The following TVP23B variants were observed in gnomAD, a reference collection of about 807,000 sequenced individuals.
The protein encoded by TVP23B is trans-golgi network vesicle protein 23 homolog B.
In TVP23B, 10 loss-of-function variants were observed where a neutral mutation model predicts 30.6. That is an observed-to-expected ratio of 0.33 (90% CI 0.20 to 0.55). The LOEUF is 0.55. Among genes scored for constraint, TVP23B ranks in the 20% least tolerant of loss-of-function variants. TVP23B has a pLI of 0.91. For synonymous variants in TVP23B, 67 were observed against 83.1 expected, an observed-to-expected ratio of 0.81 and a Z score of 1.06; for missense variants, 153 against 243.2, an observed-to-expected ratio of 0.63 and a Z score of 2.47.
At chr17:18,790,697 C>G (rs1293630746) in intron 2 of TVP23B, among the ~76,000 whole-genome samples, 199 bp from the exon 3 acceptor site, 4 of 152,138 alleles carry the variant, frequency 2.6e-5, no homozygotes, top group African/African-American at 9.7e-5. Context: ...AGTGTATTTT[C>G]TGTAACTACA....
At chr17:18,799,829 T>A (rs1021228827) in intron 5 of TVP23B, among the ~76,000 whole-genome samples, 7 of 152,126 alleles carry the variant, frequency 4.6e-5, no homozygotes, top group African/African-American at 1.7e-4. Flanking sequence ...TTTTTCCTCC[T>A]AATTTGTAGT....
chr17:18,790,783 T>C, intron 2 of TVP23B, 113 bp from the exon 3 acceptor site: 2 of 1,492,518 alleles, frequency 1.3e-6, no homozygotes, highest in South Asian at 2.5e-5. Flanking sequence ...TCACCTCTTT[T>C]ATTTTGACAA....
intron 3 of TVP23B, among the ~76,000 whole-genome samples, chr17:18,792,357 C>T (rs1035830523): frequency 6.6e-6 from 1 of 152,084 alleles, no homozygotes; most frequent in Non-Finnish European, 1.5e-5. Context: ...CTTAAAGATA[C>T]CTGAAGTGGT....
chr17:18,792,091 T>A (rs2036004839), intron 3 of TVP23B, among the ~76,000 whole-genome samples: 5 of 151,812 alleles, frequency 3.3e-5, no homozygotes. Flanking sequence ...TGGAGTGCAA[T>A]GGCATGATCT....
At chr17:18,801,933 GGTTAAGACC>G (rs2036172825) in intron 5 of TVP23B, among the ~76,000 whole-genome samples, 1 of 152,098 alleles carries the variant, frequency 6.6e-6, no homozygotes. Flanking sequence ...AGCATAAATG[GGTTAAGACC>G]TCGGCATGGT....
At chr17:18,792,284 C>T (rs1363533001) in intron 3 of TVP23B, among the ~76,000 whole-genome samples, 2 of 152,200 alleles carry the variant, frequency 1.3e-5, no homozygotes, top group Non-Finnish European at 2.9e-5. Flanking sequence ...GATCTGCCCA[C>T]CTCAGCCTCC....
At position 18,783,100 on chromosome 17, in the gene TVP23B, G is replaced by C. The variant is rs200347058; in HGVS notation, c.12+1795G>C. On this transcript the variant is annotated intron_variant, in intron 1 of 6. Coordinates refer to ENST00000307767, the MANE Select transcript of TVP23B (RefSeq NM_016078.6). ...CTATTTATTTATTTATTGATTGATT[G>C]ATTGATTCATTCATTCATTTATGAG... Among the ~76,000 whole-genome samples the C allele has an allele frequency of 4.2e-3, 326 of 77,398 alleles. 6 individuals carry two copies. Among genetic ancestry groups the C allele is most frequent in the Admixed American group, 5.8e-3 (43 of 7,442 alleles). The allele number at this position is 77,398 out of a possible 152,430, so 50.8% of individuals were successfully genotyped here.
intron 1 of TVP23B, 176 bp from the exon 2 acceptor site, chr17:18,789,177 T>C (rs1277647449): frequency 2.0e-6 from 2 of 979,334 alleles, no homozygotes; most frequent in African/African-American, 3.3e-5. Flanking sequence ...TTTTGCCAGA[T>C]GATTTGAGGA....
At chr17:18,800,981 C>G (rs2036156790) in intron 5 of TVP23B, among the ~76,000 whole-genome samples, 1 of 152,194 alleles carries the variant, frequency 6.6e-6, no homozygotes, top group Non-Finnish European at 1.5e-5. Context: ...AACAAGTTGA[C>G]TGCTCCAGTA....
intron 5 of TVP23B, among the ~76,000 whole-genome samples, chr17:18,802,566 T>C (rs1014278006): frequency 6.6e-6 from 1 of 151,756 alleles, no homozygotes; most frequent in African/African-American, 2.4e-5. Context: ...CTTTGCAGAG[T>C]TTGGAGCTAT....
At chr17:18,788,497 A>G (rs1157806612) in intron 1 of TVP23B, among the ~76,000 whole-genome samples, 1 of 151,802 alleles carries the variant, frequency 6.6e-6, no homozygotes, top group Non-Finnish European at 1.5e-5. Flanking sequence ...AAGATTCAAT[A>G]GAGGCCGGGC....
chr17:18,796,221 T>C (rs2036073899), intron 3 of TVP23B: 1 of 152,128 alleles, frequency 6.6e-6, no homozygotes, highest in Non-Finnish European at 1.5e-5. Context: ...AATGATATGC[T>C]AACTACTTTC....
Position 18,789,389 on chromosome 17 carries a change from G to A in TVP23B, c.49G>A (p.Asp17Asn), listed in dbSNP as rs1360595487. The A allele has an allele frequency of 6.2e-7, 1 of 1,613,976 alleles. No individual in the cohort carries two copies. Among genetic ancestry groups the A allele is most frequent in the Non-Finnish European group, 8.5e-7 (1 of 1,179,870 alleles). ...TGACACTGAAGATGTTTCACTGTTT[G>A]ATGCGGAAGAGGAGACGACTAATAG... The part of the protein sequence containing the change: ...NDDTEDVSLF[D>N]AEEETTNRPR... Residue 17 changes from aspartate (D) to asparagine (N), a missense_variant, in exon 2 of 7, where the codon GAT (aspartate) becomes AAT (asparagine). Asp to Asn is a conservative substitution (Grantham distance 23). Coordinates refer to ENST00000307767, the MANE Select transcript of TVP23B (RefSeq NM_016078.6).
chr17:18,800,820 C>T (rs557755689), intron 5 of TVP23B, among the ~76,000 whole-genome samples: 28 of 152,270 alleles, frequency 1.8e-4, no homozygotes, highest in South Asian at 8.3e-4. Context: ...GTACCAGTTA[C>T]GTTTATGTTG....
chr17:18,789,240 C>G, intron 1 of TVP23B, 113 bp from the exon 2 acceptor site: 1 of 1,453,430 alleles, frequency 6.9e-7, no homozygotes, highest in Non-Finnish European at 9.4e-7. Flanking sequence ...ATTCCTGATG[C>G]TGTAACCACA....
At chr17:18,804,959 T>C in intron 6 of TVP23B, among the ~76,000 whole-genome samples, 1 of 152,180 alleles carries the variant, frequency 6.6e-6, no homozygotes, top group East Asian at 1.9e-4. Context: ...CAGATGTTTT[T>C]TTCCCCCTAG....
chr17:18,787,502 T>C (rs1211629170), intron 1 of TVP23B, among the ~76,000 whole-genome samples: 2 of 151,994 alleles, frequency 1.3e-5, no homozygotes, highest in Non-Finnish European at 2.9e-5. Context: ...TCTGAGATGA[T>C]TGTTCAAATG....
chr17:18,787,007 A>G (rs554772431), intron 1 of TVP23B, among the ~76,000 whole-genome samples: 5 of 148,566 alleles, frequency 3.4e-5, no homozygotes, highest in African/African-American at 1.0e-4. Flanking sequence ...TCAGCTGTAT[A>G]TTATCGTCTC....
At chr17:18,799,144 C>G (rs1489865550) in intron 5 of TVP23B, 1 of 312,430 alleles carries the variant, frequency 3.2e-6, no homozygotes, top group Non-Finnish European at 5.0e-6. Context: ...CCCTTCCCAC[C>G]AGTTTTCTAG....
Sources: allele counts gnomAD v4.1 joint callset (sites outside exome capture counted in the v4.1 genomes callset), GRCh38; gene constraint gnomAD v4.1.1; transcripts MANE v1.5; gene names NCBI Gene and HGNC (gene_info 2026-07-23, HGNC 2026-07-21).